RALGAPA2: variants seen among roughly 807,000 people sequenced by gnomAD.
RALGAPA2 encodes the protein ral GTPase-activating protein subunit alpha-2.
RALGAPA2 carries 139 observed loss-of-function variants against 230.4 expected under a neutral mutation model. The observed-to-expected ratio is 0.60, with a 90% CI of 0.53 to 0.69. RALGAPA2 has a LOEUF of 0.69. RALGAPA2 is among the 30% of genes least tolerant of loss of function. The pLI is 0.00. For missense variants in RALGAPA2, 2,163 were observed against 2,276.0 expected (o/e 0.95, Z 1.01); for synonymous variants, 847 against 837.8 (o/e 1.01, Z -0.19).
At chr20:20,559,242 T>C (rs2064180306) in intron 23 of RALGAPA2, among the ~76,000 whole-genome samples, 1 of 152,212 alleles carries the variant, frequency 6.6e-6, no homozygotes, top group South Asian at 2.1e-4. Context: ...CCTGTGGTCA[T>C]TCAATTTTGG....
intron 1 of RALGAPA2, among the ~76,000 whole-genome samples, chr20:20,687,741 A>G (rs1227683975): frequency 6.6e-6 from 1 of 152,232 alleles, no homozygotes; most frequent in Non-Finnish European, 1.5e-5. Flanking sequence ...ATGGTGGTGC[A>G]GAAGAAGAAA....
At chr20:20,618,644 G>C (rs1163758477) in intron 12 of RALGAPA2, among the ~76,000 whole-genome samples, 1 of 152,088 alleles carries the variant, frequency 6.6e-6, no homozygotes, top group East Asian at 1.9e-4. Flanking sequence ...GCGGGCGAGG[G>C]GGCAGTGAGC....
At chr20:20,653,500 T>C in intron 4 of RALGAPA2, 30 bp downstream of exon 4, 5 of 1,236,660 alleles carry the variant, frequency 4.0e-6, no homozygotes, top group Non-Finnish European at 5.7e-6. Flanking sequence ...AAGAAATTCA[T>C]ATTACTAAAA....
chr20:20,501,031 C>A (rs553682008), intron 35 of RALGAPA2, among the ~76,000 whole-genome samples: 1 of 152,310 alleles, frequency 6.6e-6, no homozygotes, highest in Non-Finnish European at 1.5e-5. Flanking sequence ...TCTAAACAGA[C>A]GTGCTGTCAT....
chr20:20,633,966 G>T (rs953148053), intron 9 of RALGAPA2, among the ~76,000 whole-genome samples: 10 of 152,162 alleles, frequency 6.6e-5, no homozygotes, highest in African/African-American at 2.4e-4. Flanking sequence ...GAAAGAGATT[G>T]CAGGATTGCA....
chr20:20,541,057 ATT>A (rs56090872), intron 24 of RALGAPA2, among the ~76,000 whole-genome samples: 6 of 140,824 alleles, frequency 4.3e-5, no homozygotes, highest in African/African-American at 7.8e-5. Context: ...AGTCAGGAGA[ATT>A]TTTTTTTTTT....
chr20:20,555,360 T>G (rs2145790310), intron 23 of RALGAPA2, among the ~76,000 whole-genome samples: 2 of 152,320 alleles, frequency 1.3e-5, no homozygotes, highest in South Asian at 4.1e-4. Flanking sequence ...AAACTAGTAA[T>G]TCTCTAATTT....
At chr20:20,632,875 C>A (rs2066724348) in intron 9 of RALGAPA2, among the ~76,000 whole-genome samples, 1 of 151,976 alleles carries the variant, frequency 6.6e-6, no homozygotes, top group Admixed American at 6.6e-5. Flanking sequence ...GATATTAACT[C>A]TTTTAACAGT....
chr20:20,475,473 T>C (rs973477910), intron 36 of RALGAPA2, among the ~76,000 whole-genome samples: 2 of 152,036 alleles, frequency 1.3e-5, no homozygotes, highest in Admixed American at 6.6e-5. Flanking sequence ...AAATACAGAA[T>C]AAAAACCATA....
chr20:20,556,952 C>A (rs1435788525), intron 23 of RALGAPA2, among the ~76,000 whole-genome samples: 2 of 152,096 alleles, frequency 1.3e-5, no homozygotes, highest in Non-Finnish European at 2.9e-5. Flanking sequence ...TCCTCCACCC[C>A]CTCCTCTACA....
intron 19 of RALGAPA2, among the ~76,000 whole-genome samples, chr20:20,584,006 T>A (rs2065061056): frequency 6.6e-6 from 1 of 152,126 alleles, no homozygotes; most frequent in Non-Finnish European, 1.5e-5. Context: ...GAACTAAAAG[T>A]TGTCTCAGTA....
chr20:20,451,707 TATC>T (rs1360238140), intron 37 of RALGAPA2, among the ~76,000 whole-genome samples: 2 of 152,254 alleles, frequency 1.3e-5, no homozygotes, highest in East Asian at 3.8e-4. Context: ...TGAATGTAGC[TATC>T]TATTAGCACA....
intron 33 of RALGAPA2, among the ~76,000 whole-genome samples, chr20:20,510,706 T>A (rs1458909096): frequency 1.3e-5 from 2 of 152,204 alleles, no homozygotes; most frequent in Non-Finnish European, 2.9e-5. Context: ...TCTTTAGAAA[T>A]GCTTCTGAGA....
In RALGAPA2 at chr20:20,579,572, G is replaced by A. The variant is rs550287188; in HGVS notation, c.2707+3478C>T. On this transcript the variant is annotated intron_variant, in intron 20 of 39. Coordinates refer to ENST00000202677, the MANE Select transcript of RALGAPA2 (RefSeq NM_020343.4). ...CCACAGAATTCTTAAAAGTTTCTCT[G>A]GTAATGCAGTTTTCATTTTGCTGAG... 3.9e-5 allele frequency among the ~76,000 whole-genome samples: 6 copies of A among 152,082 alleles called. No individual in the cohort carries two copies. In the South Asian group the frequency reaches 1.2e-3, roughly 32 times the overall value.
chr20:20,446,707 C>T (rs1465384388), intron 37 of RALGAPA2, among the ~76,000 whole-genome samples: 1 of 152,318 alleles, frequency 6.6e-6, no homozygotes, highest in East Asian at 1.9e-4. Context: ...TCCACTGGGC[C>T]TGGTGGTTCT....
chr20:20,693,495 C>T (rs2068990250), intron 1 of RALGAPA2, among the ~76,000 whole-genome samples: 1 of 152,116 alleles, frequency 6.6e-6, no homozygotes, highest in South Asian at 2.1e-4. Flanking sequence ...ATCAAAATCG[C>T]TCCTGAGGGG....
chr20:20,406,840 A>C (rs1156850058), intron 38 of RALGAPA2, among the ~76,000 whole-genome samples: 1 of 152,190 alleles, frequency 6.6e-6, no homozygotes, highest in East Asian at 1.9e-4. Context: ...CGAGCCTGGG[A>C]CGGGAAGGAT....
Position 20,393,041 on chromosome 20 carries a change from T to A in RALGAPA2, c.*248A>T. ...GGTTTCAGGACAAGATGATACAGCC[T>A]AGTTTGAGTCCCATCTGAGACACGG... On this transcript the variant is annotated 3_prime_UTR_variant, in exon 40 of 40. Transcript: ENST00000202677. 2 of 1,263,970 alleles carry A rather than the reference T, an allele frequency of 1.6e-6. No homozygotes were observed. Among genetic ancestry groups the A allele is most frequent in the Admixed American group, 4.4e-5 (2 of 45,128 alleles). 78.3% of individuals were successfully genotyped at this position (1,263,970 alleles called of 1,614,324 possible).
intron 3 of RALGAPA2, among the ~76,000 whole-genome samples, chr20:20,664,218 G>A (rs1279301269): frequency 1.3e-5 from 2 of 152,170 alleles, no homozygotes; most frequent in East Asian, 1.9e-4. Context: ...GGGGACTACC[G>A]TATTAAGTAG....
Sources: gnomAD v4.1 joint callset for allele counts (sites outside exome capture counted in the v4.1 genomes callset) on GRCh38, gnomAD v4.1.1 for gene constraint, MANE v1.5 for transcripts, NCBI Gene and HGNC (gene_info 2026-07-23, HGNC 2026-07-21) for gene names.